SEMA6C: variants seen among roughly 807,000 people sequenced by gnomAD.
SEMA6C encodes semaphorin-6C.
A neutral mutation model predicts 72.9 loss-of-function variants in SEMA6C; 37 were observed. That is an observed-to-expected ratio of 0.51 (90% CI 0.39 to 0.67). The LOEUF (loss-of-function observed/expected upper bound fraction) is 0.67, where lower values mean the gene tolerates loss of function less well. Among genes scored for constraint, SEMA6C ranks in the 30% least tolerant of loss-of-function variants. SEMA6C has a pLI of 0.00. For missense variants in SEMA6C, 1,189 were observed against 1,263.6 expected (o/e 0.94, Z 0.89); for synonymous variants, 578 against 554.1 (o/e 1.04, Z -0.61).
chr1:151,135,022 C>A, intron 15 of SEMA6C, 141 bp downstream of exon 15: 1 of 1,377,878 alleles, frequency 7.3e-7, no homozygotes, highest in Non-Finnish European at 1.0e-6. Context: ...TGGTTGCTGC[C>A]CACCTTCAGA....
At chr1:151,139,940 C>T in intron 4 of SEMA6C, 36 bp downstream of exon 4, 1 of 1,587,956 alleles carries the variant, frequency 6.3e-7, no homozygotes, top group Non-Finnish European at 8.6e-7. Context: ...CAGGAGCATG[C>T]ATGTCTGCCC....
chr1:151,138,160 C>A, intron 8 of SEMA6C, 55 bp from the exon 9 acceptor site: 1 of 1,602,418 alleles, frequency 6.2e-7, no homozygotes, highest in Non-Finnish European at 8.5e-7. Flanking sequence ...TGTATCCTGC[C>A]TCTTCTTGGG....
At chr1:151,139,859 C>A in intron 4 of SEMA6C, 117 bp downstream of exon 4, 3 of 1,230,316 alleles carry the variant, frequency 2.4e-6, no homozygotes, top group Non-Finnish European at 3.5e-6. Context: ...CATGTCCACA[C>A]CCCGTGGCTT....
In SEMA6C at chr1:151,132,301, C is replaced by A. The variant is rs968639727; in HGVS notation, c.*183G>T. 2.0e-6 allele frequency: 3 copies of A among 1,536,086 alleles called. No homozygotes were observed. Among genetic ancestry groups the A allele is most frequent in the Non-Finnish European group, 1.7e-6 (2 of 1,145,660 alleles). ...GGCTTCTCACCTCCCACTCTTCTGT[C>A]GAGGACAGGGGGAAAGACAGTCAAT... On this transcript the variant is annotated 3_prime_UTR_variant, in exon 19 of 19. Transcript: ENST00000368914.
chr1:151,143,745 C>G (rs184345951), intron 2 of SEMA6C, among the ~76,000 whole-genome samples: 3 of 152,280 alleles, frequency 2.0e-5, no homozygotes, highest in African/African-American at 7.2e-5. Context: ...AGGTATACAC[C>G]AGCTTCCTGC....
Position 151,134,634 on chromosome 1 carries a change from T to C in SEMA6C, c.1700A>G (p.His567Arg), listed in dbSNP as rs779296871. ...CTTCTGTTTACCTTGGCAGTCACCATGCTCCATGGATTCCTGGTTCCCAGC... is the reference window on the plus strand; with the variant it reads ...CTTCTGTTTACCTTGGCAGTCACCACGCTCCATGGATTCCTGGTTCCCAGC... ...DQAGNQESME[H>R]GDCQDGATGS... is the part of the protein sequence containing the mutation. The change falls in exon 17 of 19, where the codon CAT becomes CGT. Residue 567 changes from histidine to arginine, a missense_variant. Physicochemically the swap from His to Arg is conservative, Grantham distance 29. This residue lies in a region of SEMA6C where 721 missense variants were observed against 686.2 expected (regional missense o/e 1.05). Transcript: ENST00000368914. The C allele has an allele frequency of 5.6e-6, 9 of 1,614,214 alleles. No homozygotes were observed. The East Asian group carries it at 6.7e-5, about 12-fold the overall frequency.
Position 151,140,025 on chromosome 1 carries a change from C to T in SEMA6C, c.184G>A (p.Asp62Asn). 2 of 1,614,160 alleles carry T rather than the reference C, an allele frequency of 1.2e-6. No individual in the cohort carries two copies. Among genetic ancestry groups the T allele is most frequent in the Non-Finnish European group, 1.7e-6 (2 of 1,180,048 alleles). The change falls in exon 4 of 19, where the codon GAC (aspartate) becomes AAC (asparagine). Residue 62 changes from aspartate to asparagine, a missense_variant. Transcript: ENST00000368914. ...DDAVAAELGL[D>N]FQRFLTLNRT... ...TTCAAGGTCAGGAATCTCTGAAAGT[C>T]CAGCCCAAGTTCTGCAGCCACAGCA...
At chr1:151,139,385 A>C in intron 6 of SEMA6C, 40 bp downstream of exon 6, 13 of 1,532,744 alleles carry the variant, frequency 8.5e-6, no homozygotes, top group African/African-American at 1.4e-5. Flanking sequence ...GGGGCAGAGT[A>C]ATCCTCTCCT....
At chr1:151,142,093 G>C (rs1682604151) in intron 3 of SEMA6C, among the ~76,000 whole-genome samples, 1 of 149,596 alleles carries the variant, frequency 6.7e-6, no homozygotes, top group East Asian at 2.0e-4. Flanking sequence ...CCAGGCTGGA[G>C]TGCAGCGATA....
chr1:151,135,339 G>A, intron 14 of SEMA6C, 30 bp from the exon 15 acceptor site: 1 of 1,596,132 alleles, frequency 6.3e-7, no homozygotes, highest in East Asian at 2.2e-5. Context: ...AACCAGAGAT[G>A]GACAGATGAG....
chr1:151,141,848 C>G (rs1354855732), intron 3 of SEMA6C, among the ~76,000 whole-genome samples: 1 of 150,836 alleles, frequency 6.6e-6, no homozygotes, highest in Admixed American at 6.6e-5. Flanking sequence ...AGCACTACAT[C>G]CTGGGCTCAA....
At position 151,137,000 on chromosome 1, in the gene SEMA6C, CCA is replaced by C; in HGVS notation, c.829_830del (p.Trp277AspfsTer21). 1 of 1,614,166 alleles carries C rather than the reference CCA, an allele frequency of 6.2e-7. No homozygotes were observed. Among genetic ancestry groups the C allele is most frequent in the East Asian group, 2.2e-5 (1 of 44,886 alleles). On this transcript the variant is annotated frameshift_variant, in exon 11 of 19. Coordinates refer to ENST00000368914, the MANE Select transcript of SEMA6C (RefSeq NM_030913.6). LOFTEE classifies it high-confidence loss of function. ...GGSPRALDRH[W>X]TSFLKLRLNC... ...TGAGCCGAAGCTTCAGGAAGGATGT[CCA>C]GTGGCGGTCCAAGGCCCGAGGCGAG...
At position 151,138,007 on chromosome 1, in the gene SEMA6C, A is replaced by G. The variant is rs748559265; in HGVS notation, c.646T>C (p.Tyr216His). The G allele has an allele frequency of 2.5e-6, 4 of 1,613,918 alleles. No homozygotes were observed. In the East Asian group the frequency reaches 8.9e-5, roughly 36 times the overall value. ...GPQPPLRSAK[Y>H]DSKWLREPHF... ...TGACCTCGGAGCCACTTGGAGTCAT[A>G]CTTGGCGGAGCGGAGTGGGGGCTGG... Residue 216 changes from tyrosine (Y) to histidine (H), a missense_variant, in exon 9 of 19, where the codon TAT (tyrosine) becomes CAT (histidine). Around this residue, in one of 2 missense-constraint regions of SEMA6C, gnomAD observed 468 missense variants for 577.4 expected, o/e 0.81. Transcript: ENST00000368914.
Position 151,136,535 on chromosome 1 carries a change from T to G in SEMA6C, c.1019A>C (p.Glu340Ala), listed in dbSNP as rs1191973243. The G allele has an allele frequency of 1.9e-6, 3 of 1,614,042 alleles. No homozygotes were observed. The highest frequency in any genetic ancestry group is 4.5e-5 in the East Asian group (2 of 44,874). ...AVCAFYLDEI[E>A]RGFEGKFKEQ... The stretch of plus-strand genomic sequence containing the variant: ...CTTGAACTTGCCCTCAAACCCACGC[T>G]CAATCTCATCCAGGTAGAAGGCGCA... Residue 340 changes from glutamate (E) to alanine (A), a missense_variant, in exon 12 of 19, where the codon GAG becomes GCG. Glu to Ala is a moderately radical substitution (Grantham distance 107). Coordinates refer to ENST00000368914, the MANE Select transcript of SEMA6C (RefSeq NM_030913.6).
In SEMA6C at chr1:151,132,168, C is replaced by T; in HGVS notation, c.*316G>A. On this transcript the variant is annotated 3_prime_UTR_variant, in exon 19 of 19. Coordinates refer to ENST00000368914, the MANE Select transcript of SEMA6C (RefSeq NM_030913.6). ...CAGCGCGCGCGGCCCGCCCGGGGCA[C>T]AGTCTCTGGGGGAGCCCCGAGGGGC... is the stretch of plus-strand genomic sequence containing the variant. 7.1e-7 allele frequency: 1 copy of T among 1,411,348 alleles called. No individual in the cohort carries two copies. The highest frequency in any genetic ancestry group is 2.6e-4 in the Middle Eastern group (1 of 3,896). 87.4% of individuals were successfully genotyped at this position (1,411,348 alleles called of 1,614,324 possible).
intron 12 of SEMA6C, 125 bp from the exon 13 acceptor site, chr1:151,136,288 G>C (rs1488636756): frequency 5.4e-6 from 8 of 1,475,276 alleles, no homozygotes; most frequent in Non-Finnish European, 7.4e-6. Context: ...GACACTCGTA[G>C]CACTGTCCCC....
At chr1:151,140,368 C>T (rs964501930) in intron 3 of SEMA6C, among the ~76,000 whole-genome samples, 2 of 152,228 alleles carry the variant, frequency 1.3e-5, no homozygotes, top group East Asian at 3.8e-4. Flanking sequence ...GGAATTTGCT[C>T]ATTTAGCTGG....
In SEMA6C at chr1:151,133,912, TCAG is replaced by T. The variant is rs1364382629; in HGVS notation, c.1760-398_1760-396del. 3 of 1,431,530 alleles carry T rather than the reference TCAG, an allele frequency of 2.1e-6. No homozygotes were observed. Among genetic ancestry groups the T allele is most frequent in the Admixed American group, 2.0e-5 (1 of 50,304 alleles). The allele number at this position is 1,431,530 out of a possible 1,614,324, so 88.7% of individuals were successfully genotyped here. Reference sequence around the variant, plus strand: ...TGAGGGGCTTAGAACGCTCCGAGAATCAGCAGCCCCACACTTCACTCCTATCTC... The same window carrying T: ...TGAGGGGCTTAGAACGCTCCGAGAATCAGCCCCACACTTCACTCCTATCTC... On this transcript the variant is annotated intron_variant, in intron 18 of 18. Coordinates refer to ENST00000368914, the MANE Select transcript of SEMA6C (RefSeq NM_030913.6). The surrounding 1 kb of genome is among the most constrained non-coding windows in gnomAD (Gnocchi z 5.9).
chr1:151,133,331 A>T lies in SEMA6C; in HGVS notation c.1946T>A (p.Leu649His), dbSNP rs769115706. ...GAGCCGGGCCAAACTGCGGAGGGAGAGAGGGCGCGGGAGCCCCGGAGTCTC... is the reference window on the plus strand; with the variant it reads ...GAGCCGGGCCAAACTGCGGAGGGAGTGAGGGCGCGGGAGCCCCGGAGTCTC... ...DIETPGLPRP[L>H]SLRSLARLHG... Residue 649 changes from leucine to histidine, a missense_variant, in exon 19 of 19, where the codon CTC (leucine) becomes CAC (histidine). Physicochemically the swap from Leu to His is moderately conservative, Grantham distance 99 (BLOSUM62 -3). Transcript: ENST00000368914. The surrounding 1 kb of genome is among the most constrained non-coding windows in gnomAD (Gnocchi z 5.9). The T allele has an allele frequency of 6.3e-7, 1 of 1,595,252 alleles. No homozygotes were observed. Among genetic ancestry groups the T allele is most frequent in the South Asian group, 1.1e-5 (1 of 89,528 alleles).
Sources: gnomAD v4.1 joint callset for allele counts (sites outside exome capture counted in the v4.1 genomes callset) on GRCh38, gnomAD v4.1.1 for gene constraint, gnomAD v4.1.1 regional missense constraint, Gnocchi (gnomAD v3.1) non-coding constraint, MANE v1.5 for transcripts, NCBI Gene and HGNC (gene_info 2026-07-23, HGNC 2026-07-21) for gene names.